HTRA2: variants seen among roughly 807,000 people sequenced by gnomAD.
HTRA2 encodes the protein serine protease HTRA2, mitochondrial.
In HTRA2, 24 loss-of-function variants were observed where a neutral mutation model predicts 42.2. That is an observed-to-expected ratio of 0.57 (90% CI 0.41 to 0.80). HTRA2 has a LOEUF of 0.80. Ranked by LOEUF, HTRA2 falls within the 30% of genes least tolerant of loss-of-function variation. The pLI, the probability that HTRA2 is intolerant of heterozygous loss-of-function variation, is 0.00. For synonymous variants in HTRA2, 245 were observed against 255.8 expected (o/e 0.96, Z 0.40); for missense variants, 466 against 613.5 (o/e 0.76, Z 2.54).
intron 5 of HTRA2, 48 bp downstream of exon 5, chr2:74,531,750 A>T (rs577794309): frequency 6.2e-7 from 1 of 1,612,712 alleles, no homozygotes; most frequent in South Asian, 1.1e-5. Context: ...TGGTGGAAAT[A>T]GGGGAAGGGC....
Position 74,530,082 on chromosome 2 carries a change from G to A in HTRA2, c.76G>A (p.Gly26Arg), listed in dbSNP as rs949523442. 6.3e-7 allele frequency: 1 copy of A among 1,595,574 alleles called. No homozygotes were observed. The highest frequency in any genetic ancestry group is 1.3e-5 in the African/African-American group (1 of 74,556). ...AWRALGGIRW[G>R]RRPRLTPDLR... is the part of the protein sequence containing the mutation. ...GCGGGCTTTGGGGGGCATTCGCTGG[G>A]GGAGGAGACCCCGTTTGACCCCTGA... Residue 26 changes from glycine to arginine, a missense_variant, in exon 1 of 8, where the codon GGG (glycine) becomes AGG (arginine). By Grantham distance (125) the Gly-to-Arg change is moderately radical. Transcript: ENST00000258080. This position sits in a 1 kb window ranked among gnomAD's most constrained non-coding sequence, Gnocchi z 7.4.
At chr2:74,529,736 G>C (rs1203992218), upstream of HTRA2, 4 of 1,517,532 alleles carry the variant, frequency 2.6e-6, no homozygotes, top group African/African-American at 4.2e-5. Context: ...CCGGGGTGAG[G>C]GGACCCGAAG....
At position 74,530,915 on chromosome 2, in the gene HTRA2, C is replaced by T. The variant is rs777079325; in HGVS notation, c.716C>T (p.Pro239Leu). Residue 239 changes from proline (P) to leucine (L), a missense_variant, in exon 3 of 8, where the codon CCT (proline) becomes CTT (leucine). By Grantham distance (98) the Pro-to-Leu change is moderately conservative. Around this residue, in one of 3 missense-constraint regions of HTRA2, gnomAD observed 115 missense variants for 245.4 expected, o/e 0.47. Coordinates refer to ENST00000258080, the MANE Select transcript of HTRA2 (RefSeq NM_013247.5). The surrounding 1 kb of genome is among the most constrained non-coding windows in gnomAD (Gnocchi z 7.4). ...IATLRIQTKE[P>L]LPTLPLGRSA... ...CTTTTACCCATTCTCCCTTAGGAGCCTCTCCCCACGCTGCCTCTGGGACGC... is the reference window on the plus strand; with the variant it reads ...CTTTTACCCATTCTCCCTTAGGAGCTTCTCCCCACGCTGCCTCTGGGACGC... 3.1e-6 allele frequency: 5 copies of T among 1,614,220 alleles called. No homozygotes were observed. Among genetic ancestry groups the T allele is most frequent in the Non-Finnish European group, 4.2e-6 (5 of 1,180,042 alleles).
chr2:74,529,537 C>CGA, upstream of HTRA2: 1 of 1,548,926 alleles, frequency 6.5e-7, no homozygotes, highest in South Asian at 1.2e-5. Context: ...CGCCGAAGGC[C>CGA]GAGAGCACGC....
upstream of HTRA2, chr2:74,529,891 G>A: frequency 6.9e-7 from 1 of 1,444,992 alleles, no homozygotes; most frequent in South Asian, 1.4e-5. Context: ...TGGTCCCGGC[G>A]TGCACTTCTG....
chr2:74,530,670 T>C lies in HTRA2; in HGVS notation c.560T>C (p.Val187Ala), dbSNP rs1206181662. The change falls in exon 2 of 8, where the codon GTG becomes GCG. Residue 187 changes from valine to alanine, a missense_variant. Around this residue, in one of 3 missense-constraint regions of HTRA2, gnomAD observed 115 missense variants for 245.4 expected, o/e 0.47. Transcript: ENST00000258080. This position sits in a 1 kb window ranked among gnomAD's most constrained non-coding sequence, Gnocchi z 7.4. ...ATCTCGAACGGCTCAGGATTCGTGGTGGCTGCCGATGGGCTCATTGTCACC... is the reference window on the plus strand; with the variant it reads ...ATCTCGAACGGCTCAGGATTCGTGGCGGCTGCCGATGGGCTCATTGTCACC... Reference protein sequence around the residue: ...VPISNGSGFVVAADGLIVTNA... With the variant: ...VPISNGSGFVAAADGLIVTNA... 2 of 1,614,044 alleles carry C rather than the reference T, an allele frequency of 1.2e-6. No homozygotes were observed. The highest frequency in any genetic ancestry group is 3.3e-5 in the Admixed American group (2 of 60,004).
At chr2:74,529,717 G>C (rs2104363273), upstream of HTRA2, 1 of 1,530,636 alleles carries the variant, frequency 6.5e-7, no homozygotes, top group East Asian at 2.4e-5. Flanking sequence ...GGAGTCTTTG[G>C]GCATCCGCCC....
chr2:74,532,798 C>G, intron 7 of HTRA2, 22 bp from the exon 8 acceptor site: 2 of 1,614,112 alleles, frequency 1.2e-6, no homozygotes, highest in Non-Finnish European at 1.7e-6. Flanking sequence ...CTTCCTTTCT[C>G]TCTGTCCATT....
upstream of HTRA2, chr2:74,529,778 C>A: frequency 6.9e-7 from 1 of 1,457,482 alleles, no homozygotes; most frequent in Non-Finnish European, 9.0e-7. Flanking sequence ...CTAGCGGTCC[C>A]AGCATACCCC....
chr2:74,532,420 C>T (rs888776010), intron 6 of HTRA2, 199 bp from the exon 7 acceptor site: 5 of 619,854 alleles, frequency 8.1e-6, no homozygotes, highest in Non-Finnish European at 8.9e-6. Context: ...CATTTGGTGC[C>T]CTCATGTGGT....
chr2:74,530,257 C>T lies in HTRA2; in HGVS notation c.251C>T (p.Thr84Ile), dbSNP rs1397755052. The T allele has an allele frequency of 1.9e-6, 3 of 1,608,618 alleles. No homozygotes were observed. Among genetic ancestry groups the T allele is most frequent in the African/African-American group, 1.3e-5 (1 of 74,734 alleles). ...SGTPGPRAQL[T>I]AVTPDTRTRE... ...ACCCCGGGTCCCCGGGCACAACTGA[C>T]TGCGGTGACCCCAGATACCAGGACC... The change falls in exon 1 of 8, where the codon ACT becomes ATT. Residue 84 changes from threonine to isoleucine, a missense_variant. This residue lies in a region of HTRA2 where 222 missense variants were observed against 205.1 expected (regional missense o/e 1.08). Coordinates refer to ENST00000258080, the MANE Select transcript of HTRA2 (RefSeq NM_013247.5). This position sits in a 1 kb window ranked among gnomAD's most constrained non-coding sequence, Gnocchi z 7.4.
chr2:74,530,099 G>A lies in HTRA2; in HGVS notation c.93G>A (p.Leu31=). The change falls in exon 1 of 8, where the codon TTG becomes TTA. Residue 31 remains leucine, a synonymous_variant. Transcript: ENST00000258080. The surrounding 1 kb of genome is among the most constrained non-coding windows in gnomAD (Gnocchi z 7.4). The stretch of plus-strand genomic sequence containing the variant: ...TTCGCTGGGGGAGGAGACCCCGTTT[G>A]ACCCCTGACCTCCGGGCCCTGCTGA... ...GGIRWGRRPR[L]TPDLRALLTS... The A allele has an allele frequency of 1.2e-6, 2 of 1,603,354 alleles. No individual in the cohort carries two copies. The highest frequency in any genetic ancestry group is 1.7e-6 in the Non-Finnish European group (2 of 1,172,122).
rs1675475504 is a variant in HTRA2, at chr2:74,530,115, G to A, written c.109G>A (p.Ala37Thr). Residue 37 changes from alanine (A) to threonine (T), a missense_variant, in exon 1 of 8, where the codon GCC (alanine) becomes ACC (threonine). Coordinates refer to ENST00000258080, the MANE Select transcript of HTRA2 (RefSeq NM_013247.5). The surrounding 1 kb of genome is among the most constrained non-coding windows in gnomAD (Gnocchi z 7.4). ...RRPRLTPDLR[A>T]LLTSGTSDPR... ...ACCCCGTTTGACCCCTGACCTCCGG[G>A]CCCTGCTGACGTCAGGAACTTCTGA... The A allele has an allele frequency of 1.2e-6, 2 of 1,610,028 alleles. No homozygotes were observed. Among genetic ancestry groups the A allele is most frequent in the Non-Finnish European group, 1.7e-6 (2 of 1,177,704 alleles).
upstream of HTRA2, chr2:74,529,873 C>G (rs1675455157): frequency 2.1e-6 from 3 of 1,426,992 alleles, no homozygotes; most frequent in Non-Finnish European, 2.8e-6. Context: ...GTCGGCCTCC[C>G]GGAATCCTGG....
intron 4 of HTRA2, 65 bp downstream of exon 4, chr2:74,531,436 C>T (rs533292599): frequency 6.2e-7 from 1 of 1,607,966 alleles, no homozygotes; most frequent in East Asian, 2.2e-5. Context: ...GGTAGGTTTC[C>T]CCTAATTCAA....
At chr2:74,531,280 G>A (rs1203455101) in intron 3 of HTRA2, 59 bp from the exon 4 acceptor site, 24 of 1,593,560 alleles carry the variant, frequency 1.5e-5, no homozygotes, top group Non-Finnish European at 2.1e-5. Context: ...CCTACATCCT[G>A]GTATGCCCCC....
chr2:74,531,167 A>C, intron 3 of HTRA2, 62 bp downstream of exon 3: 3 of 1,582,596 alleles, frequency 1.9e-6, no homozygotes, highest in Admixed American at 1.7e-5. Context: ...TGTGTGGTAC[A>C]AGCACCAACT....
rs771194907 is a variant in HTRA2, at chr2:74,531,063, C to A, written c.864C>A (p.Pro288=). 1 of 1,614,030 alleles carries A rather than the reference C, an allele frequency of 6.2e-7. No homozygotes were observed. Among genetic ancestry groups the A allele is most frequent in the Non-Finnish European group, 8.5e-7 (1 of 1,180,042 alleles). ...AQRPARDLGL[P]QTNVEYIQTD... The stretch of plus-strand genomic sequence containing the variant: ...GTCCAGCCAGAGACCTGGGACTCCC[C>A]CAAACCAATGTGGAATACATTCAAA... Residue 288 remains proline (P), a synonymous_variant, in exon 3 of 8, where the codon CCC becomes CCA. Transcript: ENST00000258080.
intron 3 of HTRA2, 116 bp from the exon 4 acceptor site, chr2:74,531,223 T>G: frequency 1.3e-6 from 2 of 1,542,254 alleles, no homozygotes; most frequent in African/African-American, 1.4e-5. Context: ...TGCAAAAATG[T>G]GGCCACTTAT....
Sources: gnomAD v4.1 joint callset for allele counts on GRCh38, gnomAD v4.1.1 for gene constraint, gnomAD v4.1.1 regional missense constraint, Gnocchi (gnomAD v3.1) non-coding constraint, MANE v1.5 for transcripts, NCBI Gene and HGNC (gene_info 2026-07-23, HGNC 2026-07-21) for gene names.